CACNA2D4: variants seen among roughly 807,000 people sequenced by gnomAD.
CACNA2D4 encodes the protein calcium voltage-gated channel auxiliary subunit alpha2delta 4.
A neutral mutation model predicts 163.8 loss-of-function variants in CACNA2D4; 157 were observed. That is an observed-to-expected ratio of 0.96 (90% CI 0.84 to 1.09). CACNA2D4 has a LOEUF of 1.09. Among genes scored for constraint, CACNA2D4 ranks in the 50% least tolerant of loss-of-function variants. The pLI is 0.00. For missense variants in CACNA2D4, 1,410 were observed against 1,479.9 expected, an observed-to-expected ratio of 0.95 and a Z score of 0.78; for synonymous variants, 598 against 586.9, an observed-to-expected ratio of 1.02 and a Z score of -0.27.
rs77796029 is a variant in CACNA2D4 at position 1,821,079 on chromosome 12, G to A, written c.2552-9356C>T. On this transcript the variant is annotated intron_variant, in intron 26 of 37. Coordinates refer to ENST00000382722, the MANE Select transcript of CACNA2D4 (RefSeq NM_172364.5). ...GCTGGGAAGTGGGGAGGAGGGCAGC[G>A]CTGGCGCCAGATGACAGTCCCGGGT... is the stretch of plus-strand genomic sequence containing the variant. Among the ~76,000 whole-genome samples, 30 of 152,348 alleles carry A rather than the reference G, an allele frequency of 2.0e-4. 1 individual carries two copies. The East Asian group carries it at 5.6e-3, about 28-fold the overall frequency.
At chr12:1,807,004 G>A (rs1308274775) in intron 29 of CACNA2D4, among the ~76,000 whole-genome samples, 1 of 152,062 alleles carries the variant, frequency 6.6e-6, no homozygotes, top group Non-Finnish European at 1.5e-5. Flanking sequence ...GGTTCACAAT[G>A]ATCCCGGCCT....
In CACNA2D4 at chr12:1,860,168, C is replaced by T. The variant is rs763400935; in HGVS notation, c.1917G>A (p.Thr639=). The part of the protein sequence containing the change: ...VLFLTNDYFF[T]DISDTPFSLG... ...ACCTGAAAGGGGTGTCGCTGATGTC[C>T]GTGAAGAAGTAGTCATTGGTCAGGA... The change falls in exon 19 of 38, where the codon ACG becomes ACA. Residue 639 remains threonine, a synonymous_variant. Transcript: ENST00000382722. 2.4e-5 allele frequency: 39 copies of T among 1,613,608 alleles called. No individual in the cohort carries two copies. Among genetic ancestry groups the T allele is most frequent in the Middle Eastern group, 1.6e-4 (1 of 6,084 alleles).
rs1864793690 is a variant in CACNA2D4, at chr12:1,834,960, T to TAAAGCTTA, written c.2551+5778_2551+5779insTAAGCTTT. On this transcript the variant is annotated intron_variant, in intron 26 of 37. Coordinates refer to ENST00000382722, the MANE Select transcript of CACNA2D4 (RefSeq NM_172364.5). The surrounding 1 kb of genome is among the most constrained non-coding windows in gnomAD (Gnocchi z 7.6). ...TGGGCCAGTAAATCTTTGGAACATG[T>TAAAGCTTA]GGGGGATCTCCCTAAGCTCTGGCCA... 1.4e-6 allele frequency: 1 copy of TAAAGCTTA among 693,844 alleles called. No individual in the cohort carries two copies. The highest frequency in any genetic ancestry group is 1.8e-5 in the African/African-American group (1 of 55,530). The allele number at this position is 693,844 out of a possible 1,614,324, so 43.0% of individuals were successfully genotyped here.
rs1395168713 is a variant in CACNA2D4 at position 1,855,162 on chromosome 12, G to A, written c.2152+850C>T. 2.0e-5 allele frequency among the ~76,000 whole-genome samples: 3 copies of A among 152,094 alleles called. No homozygotes were observed. The East Asian group carries it at 5.8e-4, about 29-fold the overall frequency. ...TGTAGGCTTATTTGCTTATCACCTGGCTTCTCCACTAGAATGTAAGCTCCA... is the reference window on the plus strand; with the variant it reads ...TGTAGGCTTATTTGCTTATCACCTGACTTCTCCACTAGAATGTAAGCTCCA... On this transcript the variant is annotated intron_variant, in intron 22 of 37. Coordinates refer to ENST00000382722, the MANE Select transcript of CACNA2D4 (RefSeq NM_172364.5).
At chr12:1,849,893 TATAGAG>T (rs1160616926) in intron 23 of CACNA2D4, among the ~76,000 whole-genome samples, 2 of 152,246 alleles carry the variant, frequency 1.3e-5, no homozygotes, top group African/African-American at 4.8e-5. Context: ...AGTGGCAGTA[TATAGAG>T]ATATTCTAAT....
chr12:1,803,836 A>G (rs555360167), intron 29 of CACNA2D4, among the ~76,000 whole-genome samples: 25 of 152,318 alleles, frequency 1.6e-4, no homozygotes, highest in African/African-American at 5.5e-4. Context: ...ACAGGCAGGG[A>G]ACACACAAAC....
chr12:1,821,129 A>G (rs1015740382), intron 26 of CACNA2D4, among the ~76,000 whole-genome samples: 7 of 152,188 alleles, frequency 4.6e-5, no homozygotes, highest in Admixed American at 3.9e-4. Context: ...TCCCTGCAGC[A>G]TGGGAGAAGC....
intron 26 of CACNA2D4, chr12:1,831,350 C>T (rs1284340286): frequency 2.3e-5 from 37 of 1,613,876 alleles, no homozygotes; most frequent in Non-Finnish European, 2.9e-5. Context: ...GTCTTTTCGA[C>T]GGGCTCCTGG....
In CACNA2D4 at chr12:1,874,606, C is replaced by T. The variant is rs370865813; in HGVS notation, c.1876G>A (p.Gly626Arg). The change falls in exon 18 of 38, where the codon GGG (glycine) becomes AGG (arginine). Residue 626 changes from glycine (G) to arginine (R), a missense_variant and splice_region_variant. Gly to Arg is a moderately radical substitution (Grantham distance 125). Coordinates refer to ENST00000382722, the MANE Select transcript of CACNA2D4 (RefSeq NM_172364.5). This position sits in a 1 kb window ranked among gnomAD's most constrained non-coding sequence, Gnocchi z 4.4. ...SMDVKVPMDKGKRVLFLTNDY... is the reference protein window; with the variant it reads ...SMDVKVPMDKRKRVLFLTNDY... ...CCTGGCTGTTTCTAGCTCCTTACCC[C>T]TTTATCCATCGGAACCTTCACATCC... is the stretch of plus-strand genomic sequence containing the variant. 15 of 1,609,378 alleles carry T rather than the reference C, an allele frequency of 9.3e-6. No individual in the cohort carries two copies. In the African/African-American group the frequency reaches 1.5e-4, roughly 16 times the overall value.
rs971746431 is a variant in CACNA2D4 at position 1,833,815 on chromosome 12, C to T, written c.2551+6924G>A. ...GAAGGATAAGATGCTGTGTTGAGAA[C>T]GGTATCCTGGGCTCACAGACAGGTG... On this transcript the variant is annotated intron_variant, in intron 26 of 37. Transcript: ENST00000382722. The surrounding 1 kb of genome is among the most constrained non-coding windows in gnomAD (Gnocchi z 4.2). Among the ~76,000 whole-genome samples, 1 of 152,130 alleles carries T rather than the reference C, an allele frequency of 6.6e-6. No individual in the cohort carries two copies. Among genetic ancestry groups the T allele is most frequent in the East Asian group, 1.9e-4 (1 of 5,190 alleles).
At chr12:1,830,956 T>C in intron 26 of CACNA2D4, 1 of 1,610,818 alleles carries the variant, frequency 6.2e-7, no homozygotes, top group Non-Finnish European at 8.5e-7. Context: ...TGGATCGCCC[T>C]GTATGCTGTG....
intron 26 of CACNA2D4, among the ~76,000 whole-genome samples, chr12:1,839,865 G>A (rs1864972441): frequency 6.6e-6 from 1 of 152,158 alleles, no homozygotes; most frequent in African/African-American, 2.4e-5. Context: ...ACCTTTTGGG[G>A]GAAAAGACAG....
chr12:1,826,742 C>T (rs1864346894), intron 26 of CACNA2D4, among the ~76,000 whole-genome samples: 1 of 152,224 alleles, frequency 6.6e-6, no homozygotes, highest in Non-Finnish European at 1.5e-5. Flanking sequence ...TAACTGAGCA[C>T]TGCTGTGGCC....
Position 1,875,174 on chromosome 12 carries a change from T to C in CACNA2D4, c.1806+77A>G. Reference sequence around the variant, plus strand: ...GACAGGAACAGAGTGACCTCAAAGCTCACAGCCACACAGCTGACCCATTTA... The same window carrying C: ...GACAGGAACAGAGTGACCTCAAAGCCCACAGCCACACAGCTGACCCATTTA... On this transcript the variant is annotated intron_variant, in intron 17 of 37. Coordinates refer to ENST00000382722, the MANE Select transcript of CACNA2D4 (RefSeq NM_172364.5). This position sits in a 1 kb window ranked among gnomAD's most constrained non-coding sequence, Gnocchi z 4.0. 2.9e-6 allele frequency: 3 copies of C among 1,026,252 alleles called. No homozygotes were observed. The highest frequency in any genetic ancestry group is 4.6e-6 in the Non-Finnish European group (3 of 649,120). 63.6% of individuals were successfully genotyped at this position (1,026,252 alleles called of 1,614,324 possible).
At chr12:1,826,412 C>CCA (rs1864327070) in intron 26 of CACNA2D4, among the ~76,000 whole-genome samples, 3 of 41,626 alleles carry the variant, frequency 7.2e-5, no homozygotes, top group African/African-American at 1.2e-4. Flanking sequence ...CCCCCCCCCC[C>CCA]CCCCGCCAAC....
intron 26 of CACNA2D4, among the ~76,000 whole-genome samples, chr12:1,830,302 G>A (rs1282724660): frequency 6.6e-6 from 1 of 152,226 alleles, no homozygotes; most frequent in African/African-American, 2.4e-5. Context: ...CCAAACTGCT[G>A]GCGTCATCAT....
rs747687973 is a variant in CACNA2D4, at chr12:1,879,054, A to G, written c.1564-18T>C. ...TGGGATCGCTGGAAGGAAAGACACAAGGGGTGGGGGAGACCCAGCTTCCCT... is the reference window on the plus strand; with the variant it reads ...TGGGATCGCTGGAAGGAAAGACACAGGGGGTGGGGGAGACCCAGCTTCCCT... On this transcript the variant is annotated intron_variant, in intron 14 of 37. Coordinates refer to ENST00000382722, the MANE Select transcript of CACNA2D4 (RefSeq NM_172364.5). 2.5e-6 allele frequency: 4 copies of G among 1,608,532 alleles called. No individual in the cohort carries two copies. The highest frequency in any genetic ancestry group is 3.4e-6 in the Non-Finnish European group (4 of 1,175,168).
At chr12:1,867,979 G>A (rs1382603424) in intron 18 of CACNA2D4, among the ~76,000 whole-genome samples, 5 of 152,276 alleles carry the variant, frequency 3.3e-5, no homozygotes, top group South Asian at 2.1e-4. Flanking sequence ...TGTAGACAAG[G>A]GTGTGAAGAA....
chr12:1,795,865 G>A (rs1279194396), intron 35 of CACNA2D4, 85 bp from the exon 36 acceptor site: 3 of 898,430 alleles, frequency 3.3e-6, no homozygotes, highest in African/African-American at 1.6e-5. Flanking sequence ...AGACTTTAGT[G>A]TGGAGTTAGG....
Sources: allele counts gnomAD v4.1 joint callset (sites outside exome capture counted in the v4.1 genomes callset), GRCh38; gene constraint gnomAD v4.1.1; non-coding constraint Gnocchi (gnomAD v3.1); transcripts MANE v1.5; gene names NCBI Gene and HGNC (gene_info 2026-07-23, HGNC 2026-07-21).